HNRNPM: variants seen among roughly 807,000 people sequenced by gnomAD.
HNRNPM encodes CEA receptor.
A neutral mutation model predicts 73.1 loss-of-function variants in HNRNPM; 11 were observed. The ratio of observed to expected loss-of-function variants is 0.15; its 90% confidence interval spans 0.09 to 0.25. HNRNPM has a LOEUF of 0.25. HNRNPM is among the 10% of genes least tolerant of loss of function. HNRNPM has a pLI of 1.00. For synonymous variants in HNRNPM, 407 were observed against 355.2 expected (o/e 1.15, Z -1.64); for missense variants, 789 against 1,067.9 (o/e 0.74, Z 3.64).
At chr19:8,472,304 C>T (rs1970204899) in intron 10 of HNRNPM, among the ~76,000 whole-genome samples, 1 of 151,688 alleles carries the variant, frequency 6.6e-6, no homozygotes. Context: ...ATTTTTATGA[C>T]CTTAGACTTT....
At chr19:8,487,749 C>G (rs2145770791) in intron 15 of HNRNPM, 1 of 152,734 alleles carries the variant, frequency 6.5e-6, no homozygotes, top group Non-Finnish European at 1.5e-5. Context: ...TCCGATTTCA[C>G]CACCATTGCT....
Position 8,488,987 on chromosome 19 carries a change from C to A in HNRNPM, c.*133C>A, listed in dbSNP as rs1599871588. ...TTGCTTTTTGGGGTAATTTGAATTACTTTTTTAATGACTGGGGTTCCATTT... is the reference window on the plus strand; with the variant it reads ...TTGCTTTTTGGGGTAATTTGAATTAATTTTTTAATGACTGGGGTTCCATTT... On this transcript the variant is annotated 3_prime_UTR_variant, in exon 16 of 16. Transcript: ENST00000325495. The A allele has an allele frequency of 1.2e-6, 1 of 810,234 alleles. No homozygotes were observed. The highest frequency in any genetic ancestry group is 1.9e-6 in the Non-Finnish European group (1 of 526,904). The allele number at this position is 810,234 out of a possible 1,614,324, so 50.2% of individuals were successfully genotyped here. A position where few individuals can be genotyped will look rare whatever the true frequency, so the allele number is the denominator to read the frequency against.
intron 15 of HNRNPM, 68 bp downstream of exon 15, chr19:8,487,143 C>A: frequency 7.7e-7 from 1 of 1,303,958 alleles, no homozygotes; most frequent in Non-Finnish European, 1.1e-6. Context: ...GAGTCAGCAG[C>A]AAAACCTCCC....
chr19:8,468,434 T>C (rs1375933692), intron 8 of HNRNPM, among the ~76,000 whole-genome samples: 1 of 152,218 alleles, frequency 6.6e-6, no homozygotes, highest in African/African-American at 2.4e-5. Context: ...AGCAATTTTT[T>C]CATTACTCTA....
rs368739337 is a variant in HNRNPM, at chr19:8,488,675, T to C, written c.2030-16T>C. The stretch of plus-strand genomic sequence containing the variant: ...ATCGGGACTGAGTGTCGTCTCTTCT[T>C]CCCTCCCTGTCCTAGGCCACGTGCT... On this transcript the variant is annotated splice_polypyrimidine_tract_variant and intron_variant, in intron 15 of 15. Transcript: ENST00000325495. The C allele has an allele frequency of 2.6e-4, 414 of 1,601,426 alleles. No individual in the cohort carries two copies. The African/African-American group carries it at 3.4e-3, about 13-fold the overall frequency.
rs1351324180 is a variant in HNRNPM at position 8,488,872 on chromosome 19, A to G, written c.*18A>G. The stretch of plus-strand genomic sequence containing the variant: ...ACGCTTAAGCAGTTGCCTTTTTTAA[A>G]CATCGATACGAGACCTCTGAATTTG... On this transcript the variant is annotated 3_prime_UTR_variant, in exon 16 of 16. Coordinates refer to ENST00000325495, the MANE Select transcript of HNRNPM (RefSeq NM_005968.5). 1.3e-6 allele frequency: 2 copies of G among 1,598,978 alleles called. No individual in the cohort carries two copies. Among genetic ancestry groups the G allele is most frequent in the Non-Finnish European group, 1.7e-6 (2 of 1,168,146 alleles).
In HNRNPM at chr19:8,462,212, C is replaced by T. The variant is rs1174077255; in HGVS notation, c.284-317C>T. The T allele has an allele frequency of 3.4e-6, 1 of 293,128 alleles. No individual in the cohort carries two copies. Among genetic ancestry groups the T allele is most frequent in the Non-Finnish European group, 6.5e-6 (1 of 152,744 alleles). The allele number at this position is 293,128 out of a possible 1,614,324, so 18.2% of individuals were successfully genotyped here. A position where few individuals can be genotyped will look rare whatever the true frequency, so the allele number is the denominator to read the frequency against. ...CTCCCTTCCCCAGAAAAGTAAATCACGCAGACTTCTTTCCTATAGATTTGG... is the reference window on the plus strand; with the variant it reads ...CTCCCTTCCCCAGAAAAGTAAATCATGCAGACTTCTTTCCTATAGATTTGG... On this transcript the variant is annotated intron_variant, in intron 2 of 15. Coordinates refer to ENST00000325495, the MANE Select transcript of HNRNPM (RefSeq NM_005968.5). The surrounding 1 kb of genome is among the most constrained non-coding windows in gnomAD (Gnocchi z 4.5).
intron 1 of HNRNPM, among the ~76,000 whole-genome samples, chr19:8,452,100 C>G (rs2145617102): frequency 6.6e-6 from 1 of 152,302 alleles, no homozygotes; most frequent in African/African-American, 2.4e-5. Context: ...TAACCCCAAA[C>G]CAAATGCTCA....
chr19:8,481,674 T>G (rs1384979566), intron 12 of HNRNPM: 1 of 152,188 alleles, frequency 6.6e-6, no homozygotes, highest in Non-Finnish European at 1.5e-5. Flanking sequence ...TTCCACTTAT[T>G]ACTAGAGACA....
chr19:8,483,999 C>T (rs915017362), intron 13 of HNRNPM, among the ~76,000 whole-genome samples: 1 of 151,972 alleles, frequency 6.6e-6, no homozygotes, highest in African/African-American at 2.4e-5. Context: ...AACTCCTGGC[C>T]TCAAGTGACC....
chr19:8,454,225 T>C (rs1035711931), intron 1 of HNRNPM, among the ~76,000 whole-genome samples: 2 of 152,250 alleles, frequency 1.3e-5, no homozygotes, highest in African/African-American at 4.8e-5. Context: ...CAGTATTTAA[T>C]AACTTCCCAT....
intron 10 of HNRNPM, among the ~76,000 whole-genome samples, chr19:8,471,732 G>T (rs1348634790): frequency 6.6e-6 from 1 of 152,162 alleles, no homozygotes; most frequent in Admixed American, 6.5e-5. Flanking sequence ...AGGTCACACT[G>T]TCAGTTACTG....
At chr19:8,459,579 T>TA (rs903537693) in intron 2 of HNRNPM, among the ~76,000 whole-genome samples, 37 of 151,628 alleles carry the variant, frequency 2.4e-4, no homozygotes, top group Admixed American at 6.6e-4. Context: ...CAACTCCTGT[T>TA]AAAAAAAAAT....
intron 9 of HNRNPM, among the ~76,000 whole-genome samples, chr19:8,469,880 A>G (rs1485837388): frequency 6.6e-6 from 1 of 152,256 alleles, no homozygotes; most frequent in African/African-American, 2.4e-5. Context: ...TTTGCAGCGT[A>G]GCATTATGGC....
chr19:8,454,966 A>G (rs1012451677), intron 1 of HNRNPM, among the ~76,000 whole-genome samples: 1 of 152,002 alleles, frequency 6.6e-6, no homozygotes, highest in East Asian at 1.9e-4. Flanking sequence ...TTCAAAACCA[A>G]CATTAGTCTT....
rs773390045 is a variant in HNRNPM, at chr19:8,462,072, T to C, written c.284-457T>C. ...GCGGCCGTGTGTGCCTGTGAGCTTA[T>C]ACCTTCGCATACGTGCGTCCTTGTA... is the stretch of plus-strand genomic sequence containing the variant. On this transcript the variant is annotated intron_variant, in intron 2 of 15. Coordinates refer to ENST00000325495, the MANE Select transcript of HNRNPM (RefSeq NM_005968.5). This position sits in a 1 kb window ranked among gnomAD's most constrained non-coding sequence, Gnocchi z 4.5. The C allele has an allele frequency of 7.8e-5, 13 of 166,850 alleles. No individual in the cohort carries two copies. Among genetic ancestry groups the C allele is most frequent in the East Asian group, 1.5e-4 (1 of 6,458 alleles). The allele number at this position is 166,850 out of a possible 1,614,324, so 10.3% of individuals were successfully genotyped here. A position where few individuals can be genotyped will look rare whatever the true frequency, so the allele number is the denominator to read the frequency against.
intron 2 of HNRNPM, among the ~76,000 whole-genome samples, chr19:8,456,808 A>C (rs1969059164): frequency 6.6e-6 from 1 of 152,130 alleles, no homozygotes; most frequent in African/African-American, 2.4e-5. Context: ...CAGATGGAAA[A>C]ACGTTTTGGT....
chr19:8,474,528 G>A (rs754983465), intron 12 of HNRNPM, among the ~76,000 whole-genome samples: 2 of 152,130 alleles, frequency 1.3e-5, no homozygotes, highest in Non-Finnish European at 2.9e-5. Context: ...TATGGTCTCC[G>A]AGTATGAGGG....
chr19:8,469,361 C>T (rs970359722), intron 9 of HNRNPM, among the ~76,000 whole-genome samples: 2 of 152,092 alleles, frequency 1.3e-5, no homozygotes, highest in African/African-American at 2.4e-5. Context: ...TAAGTAGGGA[C>T]GGGACTGCTA....
Sources: allele counts gnomAD v4.1 joint callset (sites outside exome capture counted in the v4.1 genomes callset), GRCh38; gene constraint gnomAD v4.1.1; non-coding constraint Gnocchi (gnomAD v3.1); transcripts MANE v1.5; gene names NCBI Gene and HGNC (gene_info 2026-07-23, HGNC 2026-07-21).